The following B4GALNT3 variants were observed in gnomAD, a reference collection of about 807,000 sequenced individuals.
The protein encoded by B4GALNT3 is beta-1,4-N-acetyl-galactosaminyltransferase 3, also known as beta-1,4-N-acetylgalactosaminyltransferase 3.
B4GALNT3 carries 86 observed loss-of-function variants against 120.2 expected under a neutral mutation model. That is an observed-to-expected ratio of 0.72 (90% CI 0.60 to 0.86). B4GALNT3 has a LOEUF of 0.86. Among genes scored for constraint, B4GALNT3 ranks in the 40% least tolerant of loss-of-function variants. B4GALNT3 has a pLI of 0.00. For missense variants in B4GALNT3, 1,167 were observed against 1,298.9 expected (o/e 0.90, Z 1.56); for synonymous variants, 518 against 510.4 (o/e 1.01, Z -0.20).
chr12:527,566 G>A (rs576165226), intron 1 of B4GALNT3, among the ~76,000 whole-genome samples: 4 of 152,334 alleles, frequency 2.6e-5, no homozygotes, highest in Admixed American at 6.5e-5. Flanking sequence ...ACTTATCATG[G>A]CCCCACCCAT....
Position 516,960 on chromosome 12 carries a change from T to C in B4GALNT3, c.170-18206T>C, listed in dbSNP as rs143863172. On this transcript the variant is annotated intron_variant, in intron 1 of 19. Coordinates refer to ENST00000266383, the MANE Select transcript of B4GALNT3 (RefSeq NM_173593.4). ...AGAGGAATCAATGAGGGATTGGATATGGGGAGAGGAATCAAGTAGTTTGAA... is the reference window on the plus strand; with the variant it reads ...AGAGGAATCAATGAGGGATTGGATACGGGGAGAGGAATCAAGTAGTTTGAA... Among the ~76,000 whole-genome samples the C allele has an allele frequency of 1.8e-3, 279 of 152,160 alleles. 1 individual carries two copies. The highest frequency in any genetic ancestry group is 6.5e-3 in the African/African-American group (268 of 41,508).
intron 1 of B4GALNT3, among the ~76,000 whole-genome samples, chr12:492,921 A>G (rs114639466): frequency 0.012 from 1,887 of 152,156 alleles, 31 homozygotes; most frequent in African/African-American, 0.043. Context: ...ACCTAGACAT[A>G]GTTCTTACAC....
At chr12:528,977 G>A (rs1048151568) in intron 1 of B4GALNT3, among the ~76,000 whole-genome samples, 1 of 152,210 alleles carries the variant, frequency 6.6e-6, no homozygotes, top group East Asian at 1.9e-4. Flanking sequence ...TACAGACCCC[G>A]GGGCTTCTTA....
chr12:511,455 TCTTCCAC>T lies in B4GALNT3; in HGVS notation c.170-23699_170-23693del, dbSNP rs1343649747. Among the ~76,000 whole-genome samples the T allele has an allele frequency of 3.8e-3, 161 of 41,956 alleles. 4 individuals carry two copies. Among genetic ancestry groups the T allele is most frequent in the African/African-American group, 9.0e-3 (57 of 6,308 alleles). The allele number at this position is 41,956 out of a possible 152,430, so 27.5% of individuals were successfully genotyped here. On this transcript the variant is annotated intron_variant, in intron 1 of 19. Transcript: ENST00000266383. ...TTCTTCCACCTTCCACCTTCCACCT[TCTTCCAC>T]CTTCCACCTTCTTCCACCTTCTTCC...
chr12:496,219 G>A (rs1383101451), intron 1 of B4GALNT3, among the ~76,000 whole-genome samples: 2 of 152,048 alleles, frequency 1.3e-5, no homozygotes, highest in Non-Finnish European at 2.9e-5. Flanking sequence ...TTCTTTTCTG[G>A]TATCCAGCAG....
Position 535,239 on chromosome 12 carries a change from G to A in B4GALNT3, c.243G>A (p.Gln81=), listed in dbSNP as rs754115939. 4 of 1,613,870 alleles carry A rather than the reference G, an allele frequency of 2.5e-6. No individual in the cohort carries two copies. Among genetic ancestry groups the A allele is most frequent in the African/African-American group, 1.3e-5 (1 of 74,936 alleles). The change falls in exon 2 of 20, where the codon CAG becomes CAA. Residue 81 remains glutamine, a synonymous_variant. Coordinates refer to ENST00000266383, the MANE Select transcript of B4GALNT3 (RefSeq NM_173593.4). ...TTCCAGCTGTGGATCCACACCTCCA[G>A]TTCTACCATCCCCAGAGGCTGAGCC... ...RNIPAVDPHL[Q]FYHPQRLSLE...
intron 16 of B4GALNT3, 22 bp downstream of exon 16, chr12:557,783 G>T: frequency 6.3e-7 from 1 of 1,589,428 alleles, no homozygotes; most frequent in East Asian, 2.2e-5. Flanking sequence ...CACCAGCCAG[G>T]GGGTGGCATG....
At chr12:521,969 C>CTT (rs11421108) in intron 1 of B4GALNT3, among the ~76,000 whole-genome samples, 62 of 146,524 alleles carry the variant, frequency 4.2e-4, no homozygotes, top group Non-Finnish European at 4.5e-4. Context: ...CTCAGAAGTT[C>CTT]TTTTTTTTTT....
intron 1 of B4GALNT3, among the ~76,000 whole-genome samples, chr12:530,289 A>T (rs1356326794): frequency 1.3e-5 from 2 of 152,232 alleles, no homozygotes; most frequent in Non-Finnish European, 2.9e-5. Context: ...CTGGGCCTTT[A>T]TTAACAGGGT....
In B4GALNT3 at chr12:558,559, G is replaced by A. The variant is rs139704378; in HGVS notation, c.2659G>A (p.Gly887Arg). ...LCDLHIHFPA[G>R]VIDAIRKHCV... ...TGACCTCCACATCCACTTCCCAGCT[G>A]GAGTCATCGATGCCATTCGGAAGCA... is the stretch of plus-strand genomic sequence containing the variant. Residue 887 changes from glycine to arginine, a missense_variant, in exon 18 of 20, where the codon GGA becomes AGA. Physicochemically the swap from Gly to Arg is moderately radical, Grantham distance 125. This residue lies in a region of B4GALNT3 where 983 missense variants were observed against 1,102.5 expected (regional missense o/e 0.89). Coordinates refer to ENST00000266383, the MANE Select transcript of B4GALNT3 (RefSeq NM_173593.4). 3 of 1,614,016 alleles carry A rather than the reference G, an allele frequency of 1.9e-6. No homozygotes were observed. The highest frequency in any genetic ancestry group is 2.5e-6 in the Non-Finnish European group (3 of 1,180,012).
At chr12:509,327 G>C (rs1032707837) in intron 1 of B4GALNT3, among the ~76,000 whole-genome samples, 2 of 152,236 alleles carry the variant, frequency 1.3e-5, no homozygotes, top group African/African-American at 4.8e-5. Flanking sequence ...GTGGCCTGGA[G>C]CCACTGTGCT....
chr12:523,636 T>C (rs757146625), intron 1 of B4GALNT3, among the ~76,000 whole-genome samples: 1 of 152,216 alleles, frequency 6.6e-6, no homozygotes, highest in Non-Finnish European at 1.5e-5. Flanking sequence ...TAGCACAGGC[T>C]TCCCTTTGAC....
At chr12:479,676 T>C (rs1190178374) in intron 1 of B4GALNT3, among the ~76,000 whole-genome samples, 1 of 152,132 alleles carries the variant, frequency 6.6e-6, no homozygotes, top group East Asian at 1.9e-4. Flanking sequence ...GGAGAGTTAC[T>C]GGTGAATTGT....
intron 1 of B4GALNT3, among the ~76,000 whole-genome samples, chr12:527,821 C>T (rs1946770940): frequency 6.6e-6 from 1 of 152,052 alleles, no homozygotes; most frequent in African/African-American, 2.4e-5. Context: ...TGTTTGGGAC[C>T]GTGGGACAAT....
intron 1 of B4GALNT3, among the ~76,000 whole-genome samples, chr12:476,596 G>T (rs1486184215): frequency 1.3e-5 from 2 of 152,208 alleles, no homozygotes; most frequent in African/African-American, 4.8e-5. Flanking sequence ...GGGTGACAGA[G>T]CAAGGCCCTG....
rs1688157837 is a variant in B4GALNT3 at position 553,730 on chromosome 12, G to A, written c.1807G>A (p.Val603Met). The A allele has an allele frequency of 1.2e-6, 2 of 1,614,064 alleles. No individual in the cohort carries two copies. The highest frequency in any genetic ancestry group is 2.7e-5 in the African/African-American group (2 of 74,950). Residue 603 changes from valine to methionine, a missense_variant, in exon 14 of 20, where the codon GTG becomes ATG. By Grantham distance (21) the Val-to-Met change is conservative. This residue lies in a region of B4GALNT3 where 983 missense variants were observed against 1,102.5 expected (regional missense o/e 0.89). Transcript: ENST00000266383. Reference sequence around the variant, plus strand: ...GGCGGCCGCAGGCCAGGAAGGACAAGTGGAGGGAGAGGAAGAGGGGGAAGA... The same window carrying A: ...GGCGGCCGCAGGCCAGGAAGGACAAATGGAGGGAGAGGAAGAGGGGGAAGA... Reference protein sequence around the residue: ...VVAAAGQEGQVEGEEEGEEEE... With the variant: ...VVAAAGQEGQMEGEEEGEEEE...
intron 2 of B4GALNT3, among the ~76,000 whole-genome samples, chr12:535,488 C>A (rs1468169794): frequency 6.6e-6 from 1 of 152,166 alleles, no homozygotes; most frequent in Admixed American, 6.5e-5. Flanking sequence ...TTTACTGGGG[C>A]TGCCACTGGG....
intron 1 of B4GALNT3, among the ~76,000 whole-genome samples, chr12:514,529 A>G (rs1436829533): frequency 6.6e-6 from 1 of 152,072 alleles, no homozygotes; most frequent in East Asian, 1.9e-4. Flanking sequence ...AATAAATTCT[A>G]TTAGTATGAG....
At chr12:502,804 G>T (rs1389984007) in intron 1 of B4GALNT3, among the ~76,000 whole-genome samples, 1 of 152,142 alleles carries the variant, frequency 6.6e-6, no homozygotes, top group African/African-American at 2.4e-5. Context: ...ACCCAAGCTG[G>T]AGTGCAGTAG....
Sources: gnomAD v4.1 joint callset for allele counts (sites outside exome capture counted in the v4.1 genomes callset) on GRCh38, gnomAD v4.1.1 for gene constraint, gnomAD v4.1.1 regional missense constraint, MANE v1.5 for transcripts, NCBI Gene and HGNC (gene_info 2026-07-23, HGNC 2026-07-21) for gene names.